ECEL1: variants seen among roughly 807,000 people sequenced by gnomAD.
ECEL1 encodes endothelin-converting enzyme-like 1.
Under a neutral mutation model 101.8 loss-of-function variants are expected in ECEL1, and 87 were observed. The ratio of observed to expected loss-of-function variants is 0.85; its 90% CI spans 0.72 to 1.02. ECEL1 has a LOEUF of 1.02. ECEL1 is among the 50% of genes least tolerant of loss of function. The pLI, the probability that ECEL1 is intolerant of heterozygous loss-of-function variation, is 0.00. For synonymous variants in ECEL1, 487 were observed against 468.7 expected, an observed-to-expected ratio of 1.04 and a Z score of -0.50; for missense variants, 1,032 against 1,079.2, an observed-to-expected ratio of 0.96 and a Z score of 0.61.
chr2:232,483,364 GTA>G (rs1690634439), intron 8 of ECEL1, 50 bp downstream of exon 8: 1 of 1,571,822 alleles, frequency 6.4e-7, no homozygotes, highest in Non-Finnish European at 8.7e-7. Flanking sequence ...CTGGTACACA[GTA>G]GGTGCTCAAT....
chr2:232,483,239 C>A (rs542185300), intron 8 of ECEL1, 60 bp from the exon 9 acceptor site: 15 of 1,562,286 alleles, frequency 9.6e-6, no homozygotes, highest in South Asian at 7.0e-5. Context: ...CCCCGCCCCC[C>A]ACCCTACCCA....
chr2:232,482,011 T>C (rs1438952000), intron 12 of ECEL1, among the ~76,000 whole-genome samples, 162 bp from the exon 13 acceptor site: 1 of 152,214 alleles, frequency 6.6e-6, no homozygotes, highest in Non-Finnish European at 1.5e-5. Flanking sequence ...AGCTTCCTCA[T>C]GCGCTATGTG....
chr2:232,484,241 C>G lies in ECEL1; in HGVS notation c.1185-18G>C, dbSNP rs1439609318. On this transcript the variant is annotated intron_variant, in intron 6 of 17. Transcript: ENST00000304546. ...GCAGGACCCTGGGGACCAGGTGAAG[C>G]CAGTGGGTGTCCAGACGGACATGCA... 6.2e-6 allele frequency: 10 copies of G among 1,602,792 alleles called. No homozygotes were observed. The highest frequency in any genetic ancestry group is 8.5e-6 in the Non-Finnish European group (10 of 1,173,024).
chr2:232,483,067 G>A (rs781682011), intron 9 of ECEL1, 38 bp downstream of exon 9: 4 of 1,612,038 alleles, frequency 2.5e-6, no homozygotes, highest in East Asian at 4.5e-5. Flanking sequence ...TTAGTAGAGG[G>A]GCTGTGGACA....
Position 232,487,026 on chromosome 2 carries a change from G to A in ECEL1, c.-101-272C>T, listed in dbSNP as rs116043760. ...AGGCGCCAGGCAAGGGGCCTGGCAC[G>A]TAGTGGGCCTTCATTGAAAGGTCGT... On this transcript the variant is annotated intron_variant, in intron 1 of 17. Transcript: ENST00000304546. Among the ~76,000 whole-genome samples, 13,892 of 152,262 alleles carry A rather than the reference G, an allele frequency of 0.091. 881 individuals carry two copies. The highest frequency in any genetic ancestry group is 0.16 in the African/African-American group (6,843 of 41,550).
intron 2 of ECEL1, 94 bp from the exon 3 acceptor site, chr2:232,485,361 G>C (rs1178782964): frequency 2.1e-6 from 3 of 1,408,240 alleles, no homozygotes; most frequent in Non-Finnish European, 1.9e-6. Flanking sequence ...AGAGCAACCA[G>C]ACATCCATGA....
Position 232,483,277 on chromosome 2 carries a change from G to A in ECEL1, c.1507-98C>T. 3.8e-6 allele frequency: 6 copies of A among 1,563,722 alleles called. No homozygotes were observed. The Middle Eastern group carries it at 8.4e-4, about 220-fold the overall frequency. On this transcript the variant is annotated intron_variant, in intron 8 of 17. Transcript: ENST00000304546. ...AAGGAAGGGAGCACTAGGCCAGCCTGGGAGTGGGCTTCACAGTGGGGGAGG... is the reference window on the plus strand; with the variant it reads ...AAGGAAGGGAGCACTAGGCCAGCCTAGGAGTGGGCTTCACAGTGGGGGAGG...
chr2:232,486,491 A>T lies in ECEL1; in HGVS notation c.163T>A (p.Trp55Arg), dbSNP rs2106187107. Reference protein sequence around the residue: ...ATGARSGLPRWNRREVCLLSG... With the variant: ...ATGARSGLPRRNRREVCLLSG... ...AGCAGGCACACCTCGCGCCGGTTCC[A>T]GCGCGGCAGCCCGGACCGGGCCCCG... Residue 55 changes from tryptophan (W) to arginine (R), a missense_variant, in exon 2 of 18, where the codon TGG (tryptophan) becomes AGG (arginine). Trp to Arg is a moderately radical substitution (Grantham distance 101). Coordinates refer to ENST00000304546, the MANE Select transcript of ECEL1 (RefSeq NM_004826.4). 1 of 1,413,666 alleles carries T rather than the reference A, an allele frequency of 7.1e-7. No homozygotes were observed. The highest frequency in any genetic ancestry group is 1.5e-5 in the South Asian group (1 of 66,380). The allele number at this position is 1,413,666 out of a possible 1,614,324, so 87.6% of individuals were successfully genotyped here.
chr2:232,480,545 C>A, intron 16 of ECEL1, 70 bp from the exon 17 acceptor site: 1 of 1,590,522 alleles, frequency 6.3e-7, no homozygotes, highest in South Asian at 1.1e-5. Context: ...TTGCCCCCCA[C>A]CCAGCACACA....
chr2:232,479,996 TC>T lies in ECEL1; in HGVS notation c.*156del, dbSNP rs1440906805. 10 of 681,744 alleles carry T rather than the reference TC, an allele frequency of 1.5e-5. No homozygotes were observed. The highest frequency in any genetic ancestry group is 2.5e-5 in the Non-Finnish European group (10 of 397,526). 42.2% of individuals were successfully genotyped at this position (681,744 alleles called of 1,614,324 possible). ...CCAGCCTCACCCTGCTCCAGGCCCC[TC>T]CTGAAGTGAGGGGCAGCAGGGGGAC... On this transcript the variant is annotated 3_prime_UTR_variant, in exon 18 of 18. Coordinates refer to ENST00000304546, the MANE Select transcript of ECEL1 (RefSeq NM_004826.4).
chr2:232,484,336 C>A, intron 6 of ECEL1, 113 bp from the exon 7 acceptor site: 1 of 1,559,862 alleles, frequency 6.4e-7, no homozygotes, highest in South Asian at 1.2e-5. Flanking sequence ...ACCCAGACAG[C>A]CCCACAAAGA....
At chr2:232,480,645 G>T in intron 16 of ECEL1, 73 bp downstream of exon 16, 2 of 1,560,642 alleles carry the variant, frequency 1.3e-6, no homozygotes, top group Non-Finnish European at 1.8e-6. Flanking sequence ...CCTGGGCAAG[G>T]CAGGACTGGG....
At position 232,483,986 on chromosome 2, in the gene ECEL1, AC is replaced by A. The variant is rs1435890932; in HGVS notation, c.1407+14del. ...GTTCAGCACCATCCTCCTCTCTCAA[AC>A]AAGGGCAACCCACCTTGGCTTTGCT... On this transcript the variant is annotated intron_variant, in intron 7 of 17. Coordinates refer to ENST00000304546, the MANE Select transcript of ECEL1 (RefSeq NM_004826.4). 1 of 1,591,106 alleles carries A rather than the reference AC, an allele frequency of 6.3e-7. No individual in the cohort carries two copies. Among genetic ancestry groups the A allele is most frequent in the East Asian group, 2.3e-5 (1 of 44,402 alleles).
chr2:232,481,583 C>T lies in ECEL1; in HGVS notation c.1912G>A (p.Ala638Thr). Residue 638 changes from alanine (A) to threonine (T), a missense_variant, in exon 14 of 18, where the codon GCC becomes ACC. Coordinates refer to ENST00000304546, the MANE Select transcript of ECEL1 (RefSeq NM_004826.4). ...TTTCGCAGGAAGCGGCTGTAGGAGGCCTCCGTCCACCAGTGCAGCAGGTTC... is the reference window on the plus strand; with the variant it reads ...TTTCGCAGGAAGCGGCTGTAGGAGGTCTCCGTCCACCAGTGCAGCAGGTTC... The part of the protein sequence containing the change: ...SGNLLHWWTE[A>T]SYSRFLRKAE... 1 of 1,613,786 alleles carries T rather than the reference C, an allele frequency of 6.2e-7. No homozygotes were observed. Among genetic ancestry groups the T allele is most frequent in the Non-Finnish European group, 8.5e-7 (1 of 1,180,004 alleles).
intron 7 of ECEL1, 144 bp from the exon 8 acceptor site, chr2:232,483,658 G>A: frequency 1.4e-6 from 1 of 716,342 alleles, no homozygotes. Flanking sequence ...TTGGAGGTGA[G>A]GATCCAGGCC....
intron 2 of ECEL1, 124 bp downstream of exon 2, chr2:232,485,744 C>G (rs1690703028): frequency 7.7e-7 from 1 of 1,290,506 alleles, no homozygotes; most frequent in Non-Finnish European, 1.1e-6. Context: ...CCCCTCCCCT[C>G]TCCTGCTCGT....
intron 2 of ECEL1, 149 bp downstream of exon 2, chr2:232,485,719 T>A: frequency 3.7e-6 from 4 of 1,082,966 alleles, no homozygotes; most frequent in Non-Finnish European, 5.2e-6. Flanking sequence ...GCGCTCTGCC[T>A]CTGTGCGCTC....
rs1385404478 is a variant in ECEL1, at chr2:232,485,900, C to T, written c.754G>A (p.Asp252Asn). 4.5e-6 allele frequency: 7 copies of T among 1,567,360 alleles called. No individual in the cohort carries two copies. The highest frequency in any genetic ancestry group is 6.0e-6 in the Non-Finnish European group (7 of 1,159,300). Residue 252 changes from aspartate (D) to asparagine (N), a missense_variant, in exon 2 of 18, where the codon GAC becomes AAC. Asp to Asn is a conservative substitution (Grantham distance 23). Coordinates refer to ENST00000304546, the MANE Select transcript of ECEL1 (RefSeq NM_004826.4). ...AALFSLTVSL[D>N]DRNSSRYVIR... ...ACGTAGCGCGAGGAGTTCCTGTCGTCCAGGCTGACCGTGAGCGAGAAGAGC... is the reference window on the plus strand; with the variant it reads ...ACGTAGCGCGAGGAGTTCCTGTCGTTCAGGCTGACCGTGAGCGAGAAGAGC...
rs750402838 is a variant in ECEL1, at chr2:232,485,073, C to G, written c.874G>C (p.Val292Leu). 1.9e-6 allele frequency: 3 copies of G among 1,611,998 alleles called. No individual in the cohort carries two copies. In the South Asian group the frequency reaches 3.3e-5, roughly 18 times the overall value. ...AGGCTGAGCACTCGCTCCATGAACA[C>G]CCTGTATGCTGCCAGGATCTGCACC... ...DSEKILAAYR[V>L]FMERVLSLLG... is the part of the protein sequence containing the mutation. Residue 292 changes from valine (V) to leucine (L), a missense_variant, in exon 4 of 18, where the codon GTG (valine) becomes CTG (leucine). Val to Leu is a conservative substitution (Grantham distance 32, BLOSUM62 1). Transcript: ENST00000304546.
Sources: gnomAD v4.1 joint callset for allele counts (sites outside exome capture counted in the v4.1 genomes callset) on GRCh38, gnomAD v4.1.1 for gene constraint, MANE v1.5 for transcripts, NCBI Gene and HGNC (gene_info 2026-07-23, HGNC 2026-07-21) for gene names.